The following SLC24A3 variants were observed in gnomAD, a reference collection of about 807,000 sequenced individuals.
SLC24A3 encodes the protein sodium/potassium/calcium exchanger 3.
In SLC24A3, 28 loss-of-function variants were observed where a neutral mutation model predicts 75.8. The observed-to-expected ratio is 0.37, with a 90% CI of 0.27 to 0.51. The LOEUF (loss-of-function observed/expected upper bound fraction) is 0.51, where lower values mean the gene tolerates loss of function less well. Ranked by LOEUF, SLC24A3 falls within the 20% of genes least tolerant of loss-of-function variation. SLC24A3 has a pLI of 0.94. For missense variants in SLC24A3, 663 were observed against 847.8 expected (o/e 0.78, Z 2.71); for synonymous variants, 372 against 334.1 (o/e 1.11, Z -1.24).
intron 2 of SLC24A3, among the ~76,000 whole-genome samples, chr20:19,312,849 A>T (rs1984491515): frequency 6.6e-6 from 1 of 151,906 alleles, no homozygotes; most frequent in East Asian, 1.9e-4. Context: ...GGTGTGTTTT[A>T]TGTGGTGGCA....
chr20:19,511,967 C>A (rs1223531534), intron 2 of SLC24A3, among the ~76,000 whole-genome samples: 1 of 152,320 alleles, frequency 6.6e-6, no homozygotes, highest in Middle Eastern at 3.4e-3. Context: ...CTGCCTTGCC[C>A]ACCCTGACCC....
At chr20:19,631,616 G>A (rs775574705) in intron 6 of SLC24A3, among the ~76,000 whole-genome samples, 1 of 152,112 alleles carries the variant, frequency 6.6e-6, no homozygotes, top group Non-Finnish European at 1.5e-5. Flanking sequence ...CACTGCCACC[G>A]CCCAGCATCA....
At chr20:19,597,740 C>G (rs950636844) in intron 6 of SLC24A3, among the ~76,000 whole-genome samples, 1 of 152,206 alleles carries the variant, frequency 6.6e-6, no homozygotes, top group African/African-American at 2.4e-5. Flanking sequence ...ACACCCTGCC[C>G]AGTTGCTGGT....
At chr20:19,233,742 A>G (rs1982090340) in intron 1 of SLC24A3, among the ~76,000 whole-genome samples, 1 of 152,252 alleles carries the variant, frequency 6.6e-6, no homozygotes, top group South Asian at 2.1e-4. Flanking sequence ...ATTCAGGGGT[A>G]GGAGACATGG....
chr20:19,705,944 T>C (rs1473033947), intron 15 of SLC24A3, among the ~76,000 whole-genome samples: 1 of 152,336 alleles, frequency 6.6e-6, no homozygotes, highest in East Asian at 1.9e-4. Context: ...GCACTTCTTG[T>C]TCCATTATGG....
chr20:19,689,845 A>G (rs1169576853), intron 12 of SLC24A3, among the ~76,000 whole-genome samples: 1 of 152,142 alleles, frequency 6.6e-6, no homozygotes, highest in Non-Finnish European at 1.5e-5. Flanking sequence ...AGCCTGGCCA[A>G]CATGGCAAAA....
At chr20:19,575,232 G>A (rs545680875) in intron 3 of SLC24A3, among the ~76,000 whole-genome samples, 2 of 140,658 alleles carry the variant, frequency 1.4e-5, no homozygotes, top group Non-Finnish European at 3.0e-5. Flanking sequence ...ACTCCAGCCT[G>A]GGTGACAGAG....
intron 3 of SLC24A3, among the ~76,000 whole-genome samples, chr20:19,524,702 A>G (rs1391178923): frequency 2.6e-5 from 4 of 152,188 alleles, no homozygotes; most frequent in Non-Finnish European, 5.9e-5. Flanking sequence ...ATAGTAAATA[A>G]GCTTTATTTA....
chr20:19,464,250 C>T (rs1442469876), intron 2 of SLC24A3, among the ~76,000 whole-genome samples: 1 of 152,380 alleles, frequency 6.6e-6, no homozygotes, highest in Middle Eastern at 3.4e-3. Flanking sequence ...AGCTCTGGCT[C>T]TTCGACTTCT....
chr20:19,580,319 T>G (rs1441572677), intron 4 of SLC24A3, among the ~76,000 whole-genome samples: 1 of 152,110 alleles, frequency 6.6e-6, no homozygotes, highest in African/African-American at 2.4e-5. Context: ...CCTCCCCAAC[T>G]CCATTTAGAC....
At chr20:19,216,534 A>T (rs1281389913) in intron 1 of SLC24A3, among the ~76,000 whole-genome samples, 1 of 152,128 alleles carries the variant, frequency 6.6e-6, no homozygotes, top group African/African-American at 2.4e-5. Flanking sequence ...GTTTGAGCCC[A>T]GAAGACTGAG....
chr20:19,497,649 G>T (rs117790167), intron 2 of SLC24A3, among the ~76,000 whole-genome samples: 1 of 152,176 alleles, frequency 6.6e-6, no homozygotes, highest in African/African-American at 2.4e-5. Flanking sequence ...GGCTGCTGTG[G>T]TGTAGAAGGA....
chr20:19,662,898 C>G (rs2032346278), intron 7 of SLC24A3, among the ~76,000 whole-genome samples: 1 of 152,180 alleles, frequency 6.6e-6, no homozygotes, highest in African/African-American at 2.4e-5. Context: ...TCAAGATGGT[C>G]CAGCAAGGTA....
At chr20:19,501,634 A>G (rs980122728) in intron 2 of SLC24A3, among the ~76,000 whole-genome samples, 6 of 152,202 alleles carry the variant, frequency 3.9e-5, no homozygotes, top group African/African-American at 1.4e-4. Context: ...CTTGCCTCTG[A>G]GCCTTGGGGC....
At chr20:19,310,351 T>G (rs2122259784) in intron 2 of SLC24A3, among the ~76,000 whole-genome samples, 1 of 152,186 alleles carries the variant, frequency 6.6e-6, no homozygotes, top group South Asian at 2.1e-4. Flanking sequence ...AGTTCCCAGG[T>G]GGTCATGTGC....
At chr20:19,238,965 T>C (rs545554347) in intron 1 of SLC24A3, among the ~76,000 whole-genome samples, 2 of 91,988 alleles carry the variant, frequency 2.2e-5, no homozygotes, top group East Asian at 9.8e-4. Context: ...CATGGGCGCA[T>C]GCACACACAC....
intron 6 of SLC24A3, among the ~76,000 whole-genome samples, chr20:19,626,598 C>T (rs1203148048): frequency 2.0e-5 from 3 of 152,266 alleles, no homozygotes; most frequent in African/African-American, 2.4e-5. Context: ...AGAGAGATTA[C>T]GTTTAAGTAG....
intron 2 of SLC24A3, among the ~76,000 whole-genome samples, chr20:19,447,287 G>A (rs1038635653): frequency 2.0e-5 from 3 of 152,168 alleles, no homozygotes; most frequent in East Asian, 1.9e-4. Context: ...TCTGGCAAAC[G>A]GGGAAGGGAG....
At chr20:19,462,908 A>C (rs1168469709) in intron 2 of SLC24A3, among the ~76,000 whole-genome samples, 3 of 152,136 alleles carry the variant, frequency 2.0e-5, no homozygotes, top group Non-Finnish European at 4.4e-5. Flanking sequence ...TTGAATTCAA[A>C]TGTATCAAAT....
Sources: gnomAD v4.1 joint callset for allele counts (sites outside exome capture counted in the v4.1 genomes callset) on GRCh38, gnomAD v4.1.1 for gene constraint, MANE v1.5 for transcripts, NCBI Gene and HGNC (gene_info 2026-07-23, HGNC 2026-07-21) for gene names.